The following GLA variants were observed in gnomAD, a reference collection of about 807,000 sequenced individuals.
GLA encodes galactosidase alpha, also known as alpha-galactosidase A.
GLA carries 4 observed loss-of-function variants against 28.2 expected under a neutral mutation model. The observed-to-expected ratio is 0.14, with a 90% CI of 0.07 to 0.32. The LOEUF is 0.32. GLA is among the 10% of genes least tolerant of loss of function. The pLI is 1.00. For missense variants in GLA, 203 were observed against 323.7 expected (o/e 0.63, Z 2.86); for synonymous variants, 94 against 113.0 (o/e 0.83, Z 1.07).
At chrX:101,400,813 C>CTA (rs1206858829) in intron 3 of GLA, 56 bp from the exon 4 acceptor site, 2 of 589,273 alleles carry the variant, frequency 3.4e-6, no homozygotes, top group Non-Finnish European at 5.8e-6. Flanking sequence ...CCAGCTGGGG[C>CTA]TATATATATA....
intron 1 of GLA, among the ~76,000 whole-genome samples, chrX:101,406,328 T>A (rs1256137993): frequency 5.4e-5 from 6 of 110,100 alleles, no homozygotes; most frequent in African/African-American, 2.0e-4. Flanking sequence ...AAACATGACA[T>A]AAACATGATC....
At chrX:101,403,769 T>C (rs782696004) in intron 2 of GLA, 42 bp downstream of exon 2, 1 of 1,156,750 alleles carries the variant, frequency 8.6e-7, no homozygotes, top group Non-Finnish European at 1.2e-6. Context: ...CAGAAGTGCT[T>C]ACAGTCCTCT....
intron 1 of GLA, among the ~76,000 whole-genome samples, chrX:101,404,456 T>C (rs1928425828): frequency 8.9e-6 from 1 of 111,919 alleles, no homozygotes; most frequent in African/African-American, 3.3e-5. Flanking sequence ...ATTATTTTGC[T>C]CTTGGATAAG....
At chrX:101,402,191 C>A (rs1052680531) in intron 2 of GLA, among the ~76,000 whole-genome samples, 2 of 112,245 alleles carry the variant, frequency 1.8e-5, no homozygotes, top group Admixed American at 1.9e-4. Flanking sequence ...GACTAGACCT[C>A]CACCTTGGCT....
At chrX:101,407,478 G>GAGAA (rs782651712) in intron 1 of GLA, among the ~76,000 whole-genome samples, 15 of 111,386 alleles carry the variant, frequency 1.3e-4, no homozygotes, top group African/African-American at 4.6e-4. Context: ...GAGAGAGAGA[G>GAGAA]AGAAAGAAAC....
At chrX:101,400,051 G>A (rs1304309823) in intron 4 of GLA, among the ~76,000 whole-genome samples, 1 of 111,300 alleles carries the variant, frequency 9.0e-6, no homozygotes, top group African/African-American at 3.3e-5. Context: ...GCCAGGGAAA[G>A]AGCCATGACC....
intron 6 of GLA, 125 bp downstream of exon 6, chrX:101,398,245 G>GT: frequency 1.3e-6 from 1 of 771,182 alleles, no homozygotes; most frequent in East Asian, 3.2e-5. Flanking sequence ...ATAAAGTAAT[G>GT]TTTCTAGCAA....
rs869312236 is a variant in GLA, at chrX:101,397,908, A to G, written c.1191T>C (p.Tyr397=). The change falls in exon 7 of 7, where the codon TAT becomes TAC. Residue 397 remains tyrosine (Y), a synonymous_variant. Coordinates refer to ENST00000218516, the MANE Select transcript of GLA (RefSeq NM_000169.3). ...LLPVKRKLGF[Y]EWTSRLRSHI... ...GACTTCTTAACCTTGAAGTCCATTC[A>G]TAGAACCCTAGCTTCCTTTTCACAG... The G allele has an allele frequency of 1.7e-6, 2 of 1,208,439 alleles. No individual in the cohort carries two copies. Among genetic ancestry groups the G allele is most frequent in the Admixed American group, 2.2e-5 (1 of 45,896 alleles).
At chrX:101,400,225 CTG>C (rs1928257390) in intron 4 of GLA, among the ~76,000 whole-genome samples, 1 of 109,172 alleles carries the variant, frequency 9.2e-6, no homozygotes. Context: ...AAAAAAAAAA[CTG>C]ATATTTACAT....
chrX:101,398,653 TC>T, intron 5 of GLA, 86 bp from the exon 6 acceptor site: 3 of 1,005,321 alleles, frequency 3.0e-6, no homozygotes, highest in Non-Finnish European at 4.2e-6. Context: ...GAAACCACTT[TC>T]CACAGCATCC....
rs104894841 is a variant in GLA, at chrX:101,398,907, G to T, written c.679C>A (p.Arg227=). 8.3e-7 allele frequency: 1 copy of T among 1,206,942 alleles called. No individual in the cohort carries two copies. ...TEIRQYCNHW[R]NFADIDDSWK... Reference sequence around the variant, plus strand: ...GAATCATCAATGTCAGCAAAATTTCGCCAGTGATTGCAGTACTGTCGGATT... The same window carrying T: ...GAATCATCAATGTCAGCAAAATTTCTCCAGTGATTGCAGTACTGTCGGATT... The change falls in exon 5 of 7, where the codon CGA becomes AGA. Residue 227 remains arginine, a synonymous_variant. Coordinates refer to ENST00000218516, the MANE Select transcript of GLA (RefSeq NM_000169.3).
intron 5 of GLA, 50 bp downstream of exon 5, chrX:101,398,735 G>C (rs782096403): frequency 8.6e-7 from 1 of 1,168,086 alleles, no homozygotes; most frequent in Admixed American, 2.2e-5. Flanking sequence ...TGTCAAAATA[G>C]GAAACAAGCC....
At chrX:101,407,570 T>G (rs781925527) in intron 1 of GLA, 140 bp downstream of exon 1, 2 of 610,809 alleles carry the variant, frequency 3.3e-6, no homozygotes, top group Non-Finnish European at 5.7e-6. Flanking sequence ...GACAGTTTGC[T>G]GGGGATAAAA....
rs1555986214 is a variant in GLA, at chrX:101,403,736, C to T, written c.369+75G>A. The stretch of plus-strand genomic sequence containing the variant: ...GAGCCACCACGCCCGGCCATGAGGG[C>T]TGTTTCTAAACAAGCTTCTGTACAG... On this transcript the variant is annotated intron_variant, in intron 2 of 6. Transcript: ENST00000218516. The T allele has an allele frequency of 2.9e-6, 3 of 1,028,067 alleles. No homozygotes were observed. The African/African-American group carries it at 5.6e-5, about 19-fold the overall frequency. The allele number at this position is 1,028,067 out of a possible 1,213,427, so 84.7% of individuals were successfully genotyped here. A position where few individuals can be genotyped will look rare whatever the true frequency, so the allele number is the denominator to read the frequency against.
chrX:101,398,834 T>C lies in GLA; in HGVS notation c.752A>G (p.Glu251Gly). ...SILDWTSFNQERIVDVAGPGG... is the reference protein window; with the variant it reads ...SILDWTSFNQGRIVDVAGPGG... Reference sequence around the variant, plus strand: ...TGGTCCAGCAACATCAACAATTCTCTCCTGGTTAAAAGATGTCCAGTCCAA... The same window carrying C: ...TGGTCCAGCAACATCAACAATTCTCCCCTGGTTAAAAGATGTCCAGTCCAA... The change falls in exon 5 of 7, where the codon GAG (glutamate) becomes GGG (glycine). Residue 251 changes from glutamate to glycine, a missense_variant. This residue lies in a region of GLA where 162 missense variants were observed against 246.8 expected (regional missense o/e 0.66). Transcript: ENST00000218516. 1 of 1,210,412 alleles carries C rather than the reference T, an allele frequency of 8.3e-7. No homozygotes were observed. Among genetic ancestry groups the C allele is most frequent in the Non-Finnish European group, 1.1e-6 (1 of 894,151 alleles).
chrX:101,399,453 T>A (rs1159165735), intron 4 of GLA, among the ~76,000 whole-genome samples: 1 of 111,783 alleles, frequency 8.9e-6, no homozygotes, highest in African/African-American at 3.3e-5. Flanking sequence ...TAATCCCAGC[T>A]ACTGGGAGGC....
At chrX:101,398,739 A>G in intron 5 of GLA, 46 bp downstream of exon 5, 1 of 1,176,495 alleles carries the variant, frequency 8.5e-7, no homozygotes, top group Non-Finnish European at 1.2e-6. Context: ...AAAATAGGAA[A>G]CAAGCCTACC....
chrX:101,403,310 A>C (rs1161023910), intron 2 of GLA, among the ~76,000 whole-genome samples: 3 of 109,165 alleles, frequency 2.7e-5, no homozygotes, highest in African/African-American at 1.0e-4. Context: ...AAAAAAAAAA[A>C]AAAAAAAAAT....
At chrX:101,405,130 C>T (rs1260300690) in intron 1 of GLA, among the ~76,000 whole-genome samples, 2 of 104,618 alleles carry the variant, frequency 1.9e-5, no homozygotes, top group Non-Finnish European at 3.9e-5. Flanking sequence ...CAGCTACTCG[C>T]GAGGATGAGG....
Sources: allele counts gnomAD v4.1 joint callset (sites outside exome capture counted in the v4.1 genomes callset), GRCh38; gene constraint gnomAD v4.1.1; regional missense constraint gnomAD v4.1.1; transcripts MANE v1.5; gene names NCBI Gene and HGNC (gene_info 2026-07-23, HGNC 2026-07-21).